Variants in UNC5C observed in about 807,000 individuals in gnomAD.
The protein encoded by UNC5C is unc-5 netrin receptor C, also known as netrin receptor UNC5C.
Under a neutral mutation model 99.8 loss-of-function variants are expected in UNC5C, and 47 were observed. That is an observed-to-expected ratio of 0.47 (90% CI 0.37 to 0.60). The LOEUF (loss-of-function observed/expected upper bound fraction) is 0.60. Among genes scored for constraint, UNC5C ranks in the 20% least tolerant of loss-of-function variants. UNC5C has a pLI of 0.00. For synonymous variants in UNC5C, 487 were observed against 452.2 expected (o/e 1.08, Z -0.98); for missense variants, 1,062 against 1,165.9 (o/e 0.91, Z 1.30).
At chr4:95,321,111 A>G (rs1447526278) in intron 2 of UNC5C, among the ~76,000 whole-genome samples, 2 of 152,336 alleles carry the variant, frequency 1.3e-5, no homozygotes, top group South Asian at 4.1e-4. Flanking sequence ...AAAATTTTCT[A>G]TACAGTATGA....
intron 7 of UNC5C, among the ~76,000 whole-genome samples, chr4:95,233,189 C>A (rs1738978126): frequency 6.6e-6 from 1 of 152,186 alleles, no homozygotes; most frequent in South Asian, 2.1e-4. Context: ...AATAGAAGAG[C>A]TGTGTGACGT....
intron 1 of UNC5C, among the ~76,000 whole-genome samples, chr4:95,488,393 G>T (rs1283888555): frequency 1.3e-5 from 2 of 151,658 alleles, no homozygotes; most frequent in African/African-American, 2.4e-5. Context: ...TATCCTCCTT[G>T]ACAGCAATAG....
chr4:95,343,026 A>G (rs1410451174), intron 1 of UNC5C, among the ~76,000 whole-genome samples: 3 of 152,006 alleles, frequency 2.0e-5, no homozygotes, highest in Non-Finnish European at 2.9e-5. Flanking sequence ...TAGATTCTTA[A>G]GGTTTCTGAC....
intron 1 of UNC5C, among the ~76,000 whole-genome samples, chr4:95,451,740 C>G (rs557095132): frequency 6.6e-6 from 1 of 152,152 alleles, no homozygotes; most frequent in African/African-American, 2.4e-5. Flanking sequence ...CTATATTTTT[C>G]AAGAAAGAAT....
At chr4:95,478,990 C>T (rs576156139) in intron 1 of UNC5C, among the ~76,000 whole-genome samples, 7 of 152,034 alleles carry the variant, frequency 4.6e-5, no homozygotes, top group South Asian at 4.2e-4. Context: ...TGGCTCTCCT[C>T]GCCTTCCGCT....
intron 1 of UNC5C, among the ~76,000 whole-genome samples, chr4:95,485,003 T>C (rs1721282033): frequency 6.6e-6 from 1 of 151,902 alleles, no homozygotes; most frequent in African/African-American, 2.4e-5. Flanking sequence ...TCCAAGCATA[T>C]ATAAACTCTT....
chr4:95,170,211 G>C lies in UNC5C; in HGVS notation c.2573C>G (p.Ala858Gly). ...IRQKLCSSLD[A>G]PQTRGHDWRM... is the part of the protein sequence containing the mutation. ...CCAGTCATGGCCTCTCGTCTGGGGG[G>C]CATCCAGGCTGCTACAGAGCTTCTG... The change falls in exon 15 of 16, where the codon GCC (alanine) becomes GGC (glycine). Residue 858 changes from alanine (A) to glycine (G), a missense_variant. Physicochemically the swap from Ala to Gly is moderately conservative, Grantham distance 60. This residue lies in a region of UNC5C where 810 missense variants were observed against 854.5 expected (regional missense o/e 0.95). Coordinates refer to ENST00000453304, the MANE Select transcript of UNC5C (RefSeq NM_003728.4). 2 of 1,614,158 alleles carry C rather than the reference G, an allele frequency of 1.2e-6. No homozygotes were observed. Among genetic ancestry groups the C allele is most frequent in the Non-Finnish European group, 1.7e-6 (2 of 1,180,036 alleles).
intron 3 of UNC5C, among the ~76,000 whole-genome samples, chr4:95,298,116 C>T (rs989398246): frequency 3.3e-5 from 5 of 152,178 alleles, no homozygotes; most frequent in Non-Finnish European, 7.3e-5. Flanking sequence ...TTGAGACCAG[C>T]CTCGGTGACA....
intron 1 of UNC5C, among the ~76,000 whole-genome samples, chr4:95,385,147 T>C (rs1487560667): frequency 6.6e-6 from 1 of 152,150 alleles, no homozygotes; most frequent in South Asian, 2.1e-4. Flanking sequence ...TCACAGTGCT[T>C]TGTAGACTTG....
intron 1 of UNC5C, among the ~76,000 whole-genome samples, chr4:95,475,049 T>C (rs1036404560): frequency 2.0e-5 from 3 of 152,114 alleles, no homozygotes; most frequent in African/African-American, 7.2e-5. Context: ...GAGAGCCCAC[T>C]TGCCAGAGCC....
intron 12 of UNC5C, among the ~76,000 whole-genome samples, chr4:95,193,524 G>A (rs1737244241): frequency 6.6e-6 from 1 of 152,150 alleles, no homozygotes. Flanking sequence ...CAATGACTGT[G>A]CTGGCTGGTG....
At position 95,496,907 on chromosome 4, in the gene UNC5C, C is replaced by G. The variant is rs571422560; in HGVS notation, c.124+51827G>C. Among the ~76,000 whole-genome samples, 4 of 152,002 alleles carry G rather than the reference C, an allele frequency of 2.6e-5. No individual in the cohort carries two copies. The South Asian group carries it at 8.3e-4, about 32-fold the overall frequency. On this transcript the variant is annotated intron_variant, in intron 1 of 15. Coordinates refer to ENST00000453304, the MANE Select transcript of UNC5C (RefSeq NM_003728.4). ...TTGCATCCTCATAGCTTAGCTCCCA[C>G]TTAGAAGTGAGAAAATACAACATTT...
intron 3 of UNC5C, among the ~76,000 whole-genome samples, chr4:95,283,405 C>T (rs11097465): frequency 0.38 from 58,470 of 152,110 alleles, 12,917 homozygotes; most frequent in Middle Eastern, 0.53. Flanking sequence ...TCCTGAAAAA[C>T]GCTTTTAATT....
chr4:95,411,491 A>G (rs1745992790), intron 1 of UNC5C, among the ~76,000 whole-genome samples: 1 of 152,204 alleles, frequency 6.6e-6, no homozygotes, highest in Non-Finnish European at 1.5e-5. Context: ...AAGTTCCTGC[A>G]GGAAATAGTA....
intron 2 of UNC5C, among the ~76,000 whole-genome samples, chr4:95,330,611 T>G (rs1743073984): frequency 6.6e-6 from 1 of 152,106 alleles, no homozygotes; most frequent in African/African-American, 2.4e-5. Context: ...ATTCTCTTCA[T>G]TTAAAGATTT....
At chr4:95,523,295 T>C (rs551594790) in intron 1 of UNC5C, among the ~76,000 whole-genome samples, 15 of 152,200 alleles carry the variant, frequency 9.9e-5, no homozygotes, top group Non-Finnish European at 1.9e-4. Flanking sequence ...AGGGGGCAGC[T>C]GTGAGCCTTT....
chr4:95,274,157 C>G (rs1033894688), intron 4 of UNC5C, among the ~76,000 whole-genome samples: 3 of 152,128 alleles, frequency 2.0e-5, no homozygotes, highest in Admixed American at 6.5e-5. Flanking sequence ...GTAGGCAGAG[C>G]TATATAAAAT....
At chr4:95,321,724 G>T (rs1256797461) in intron 2 of UNC5C, among the ~76,000 whole-genome samples, 2 of 152,112 alleles carry the variant, frequency 1.3e-5, no homozygotes, top group African/African-American at 2.4e-5. Context: ...CACAGATATG[G>T]CCTAGAATAT....
At chr4:95,396,685 C>T (rs1350046929) in intron 1 of UNC5C, among the ~76,000 whole-genome samples, 2 of 152,226 alleles carry the variant, frequency 1.3e-5, no homozygotes, top group Non-Finnish European at 2.9e-5. Flanking sequence ...TGGTGCTTTT[C>T]CAAGCCCACC....
Sources: allele counts gnomAD v4.1 joint callset (sites outside exome capture counted in the v4.1 genomes callset), GRCh38; gene constraint gnomAD v4.1.1; regional missense constraint gnomAD v4.1.1; transcripts MANE v1.5; gene names NCBI Gene and HGNC (gene_info 2026-07-23, HGNC 2026-07-21).